Variants in DMD observed in about 807,000 individuals in gnomAD.
The protein encoded by DMD is dystrophin, also known as mutant dystrophin.
A neutral mutation model predicts 330.1 loss-of-function variants in DMD; 63 were observed. The observed-to-expected ratio is 0.19, with a 90% CI of 0.16 to 0.24. The LOEUF is 0.24. DMD is among the 10% of genes least tolerant of loss of function. The pLI is 1.00. For missense variants in DMD, 3,344 were observed against 2,684.1 expected, an observed-to-expected ratio of 1.25 and a Z score of -5.43; for synonymous variants, 1,223 against 959.8, an observed-to-expected ratio of 1.27 and a Z score of -5.07.
intron 60 of DMD, among the ~76,000 whole-genome samples, chrX:31,440,147 CTTTTTT>C (rs56881685): frequency 1.1e-5 from 1 of 92,570 alleles, no homozygotes. Flanking sequence ...TAAAGTATTG[CTTTTTT>C]TTTTTTTTTT....
At chrX:31,512,208 G>C (rs1343855895) in intron 55 of DMD, among the ~76,000 whole-genome samples, 1 of 109,982 alleles carries the variant, frequency 9.1e-6, no homozygotes, top group East Asian at 2.9e-4. Context: ...ACATTTGTTT[G>C]AGTTCATTGT....
chrX:31,460,903 T>A (rs760966462), intron 59 of DMD, among the ~76,000 whole-genome samples: 1 of 111,867 alleles, frequency 8.9e-6, no homozygotes, highest in African/African-American at 3.2e-5. Context: ...TTTTTAACGT[T>A]AAAAATTAAT....
intron 64 of DMD, among the ~76,000 whole-genome samples, chrX:31,220,217 C>T (rs1477750343): frequency 9.0e-6 from 1 of 111,685 alleles, no homozygotes; most frequent in Non-Finnish European, 1.9e-5. Flanking sequence ...ACTGTACATA[C>T]ATTTCCATTA....
At chrX:31,489,610 C>T (rs2069098795) in intron 57 of DMD, among the ~76,000 whole-genome samples, 1 of 112,023 alleles carries the variant, frequency 8.9e-6, no homozygotes, top group African/African-American at 3.2e-5. Context: ...TCCATAGGGG[C>T]AGAGACTCAT....
At chrX:32,393,681 A>G (rs2098020064) in intron 30 of DMD, among the ~76,000 whole-genome samples, 2 of 111,420 alleles carry the variant, frequency 1.8e-5, no homozygotes, top group South Asian at 7.5e-4. Context: ...AAGCAGAAAG[A>G]GAGAACAAAG....
chrX:31,633,112 C>T (rs1474355520), intron 54 of DMD, among the ~76,000 whole-genome samples: 1 of 111,734 alleles, frequency 8.9e-6, no homozygotes, highest in Admixed American at 9.5e-5. Flanking sequence ...GAATATATGA[C>T]ATCATTTTAA....
At chrX:33,333,928 C>T (rs1414458243) in intron 1 of DMD, among the ~76,000 whole-genome samples, 3 of 110,824 alleles carry the variant, frequency 2.7e-5, no homozygotes, top group African/African-American at 9.8e-5. Context: ...ACTGCAATTC[C>T]AAAGCTGCTG....
At chrX:32,885,827 G>GA (rs35272541) in intron 2 of DMD, among the ~76,000 whole-genome samples, 2,855 of 64,901 alleles carry the variant, frequency 0.044, 68 homozygotes, top group African/African-American at 0.065. Context: ...CCTTGAGGGG[G>GA]AAAAAAAAAA....
intron 1 of DMD, among the ~76,000 whole-genome samples, chrX:33,040,067 G>A (rs936953260): frequency 9.0e-6 from 1 of 111,156 alleles, no homozygotes; most frequent in Non-Finnish European, 1.9e-5. Context: ...TAAAAGTCAG[G>A]TGTGGGCTGG....
At chrX:32,150,142 T>G (rs968879269) in intron 44 of DMD, among the ~76,000 whole-genome samples, 1 of 112,187 alleles carries the variant, frequency 8.9e-6, no homozygotes, top group Non-Finnish European at 1.9e-5. Flanking sequence ...AGGGAAAATG[T>G]TAAACGGATG....
chrX:31,757,431 G>A (rs2089207547), intron 51 of DMD, among the ~76,000 whole-genome samples: 1 of 112,170 alleles, frequency 8.9e-6, no homozygotes, highest in Non-Finnish European at 1.9e-5. Flanking sequence ...ACAGCCTTCA[G>A]CTGTCAGCCC....
At chrX:33,202,702 C>A (rs1176135550) in intron 1 of DMD, among the ~76,000 whole-genome samples, 1 of 111,664 alleles carries the variant, frequency 9.0e-6, no homozygotes, top group Non-Finnish European at 1.9e-5. Flanking sequence ...AAAATGGATT[C>A]TTCAATGAGA....
intron 2 of DMD, among the ~76,000 whole-genome samples, chrX:32,865,672 A>T (rs1318778566): frequency 2.7e-5 from 3 of 112,495 alleles, no homozygotes; most frequent in Non-Finnish European, 5.6e-5. Context: ...TTCAAACATA[A>T]CTAATTTTGA....
At chrX:32,697,769 G>C (rs2063763181) in intron 9 of DMD, 101 bp downstream of exon 9, 16 of 1,093,922 alleles carry the variant, frequency 1.5e-5, no homozygotes, top group Non-Finnish European at 2.0e-5. Context: ...TCTTCACGAG[G>C]AGATAAAAGG....
chrX:32,026,485 C>G (rs111634353), intron 44 of DMD, among the ~76,000 whole-genome samples: 2,556 of 112,141 alleles, frequency 0.023, 69 homozygotes, highest in African/African-American at 0.078. Flanking sequence ...TGTTATATAT[C>G]AGTGTTACTA....
intron 48 of DMD, among the ~76,000 whole-genome samples, chrX:31,858,812 C>G (rs1419524539): frequency 9.0e-6 from 1 of 110,955 alleles, no homozygotes; most frequent in Non-Finnish European, 1.9e-5. Flanking sequence ...TTTTTCCTCA[C>G]AGCACCTGAT....
At chrX:32,187,628 A>C (rs2096953399) in intron 44 of DMD, among the ~76,000 whole-genome samples, 2 of 112,064 alleles carry the variant, frequency 1.8e-5, no homozygotes, top group South Asian at 7.3e-4. Flanking sequence ...GGGAAATTTC[A>C]TCACAATATG....
chrX:32,613,790 A>AT (rs2057355767), intron 12 of DMD, among the ~76,000 whole-genome samples: 1 of 111,599 alleles, frequency 9.0e-6, no homozygotes, highest in South Asian at 3.6e-4. Flanking sequence ...GCTATGCTGT[A>AT]TTTTTTAAAA....
At chrX:31,260,838 C>T in intron 63 of DMD, 117 bp downstream of exon 63, 2 of 658,620 alleles carry the variant, frequency 3.0e-6, no homozygotes, top group East Asian at 7.1e-5. Context: ...CCACTGCTTT[C>T]ACCCTTGAAA....
Sources: allele counts gnomAD v4.1 joint callset (sites outside exome capture counted in the v4.1 genomes callset), GRCh38; gene constraint gnomAD v4.1.1; transcripts MANE v1.5; gene names NCBI Gene and HGNC (gene_info 2026-07-23, HGNC 2026-07-21).